The following RBMS1 variants were observed in gnomAD, a reference collection of about 807,000 sequenced individuals.
RBMS1 encodes the protein RNA binding motif single stranded interacting protein 1.
RBMS1 carries 17 observed loss-of-function variants against 62.3 expected under a neutral mutation model. The ratio of observed to expected loss-of-function variants is 0.27; its 90% CI spans 0.19 to 0.41. The LOEUF is 0.41. Among genes scored for constraint, RBMS1 ranks in the 10% least tolerant of loss-of-function variants. The pLI, the probability that RBMS1 is intolerant of heterozygous loss-of-function variation, is 1.00. For synonymous variants in RBMS1, 172 were observed against 170.0 expected, an observed-to-expected ratio of 1.01 and a Z score of -0.09; for missense variants, 334 against 504.5, an observed-to-expected ratio of 0.66 and a Z score of 3.24.
intron 1 of RBMS1, among the ~76,000 whole-genome samples, chr2:160,376,004 T>G (rs78013573): frequency 0.021 from 3,225 of 152,204 alleles, 122 homozygotes; most frequent in African/African-American, 0.072. Context: ...CCCCAGTAGA[T>G]TTAGGATTCC....
At chr2:160,302,840 T>C (rs544783232) in intron 5 of RBMS1, 2 of 152,266 alleles carry the variant, frequency 1.3e-5, no homozygotes, top group South Asian at 4.1e-4. Context: ...ATAGAAATTA[T>C]AAAATGTTAG....
chr2:160,443,651 C>T (rs1489107857), intron 1 of RBMS1, among the ~76,000 whole-genome samples: 3 of 152,132 alleles, frequency 2.0e-5, no homozygotes, highest in African/African-American at 7.2e-5. Context: ...TCCCTAAGGC[C>T]TCCCCAGAAG....
At chr2:160,448,692 T>G (rs1156592871) in intron 1 of RBMS1, among the ~76,000 whole-genome samples, 1 of 152,188 alleles carries the variant, frequency 6.6e-6, no homozygotes, top group African/African-American at 2.4e-5. Context: ...AGTGCCGAGA[T>G]TGCAGCCTCT....
intron 1 of RBMS1, among the ~76,000 whole-genome samples, chr2:160,385,514 G>T (rs1694523530): frequency 1.3e-5 from 2 of 152,212 alleles, no homozygotes; most frequent in Admixed American, 1.3e-4. Context: ...GCCTGTTCCA[G>T]ACTGTCATTG....
At chr2:160,294,930 T>C (rs1245738493) in intron 6 of RBMS1, among the ~76,000 whole-genome samples, 1 of 151,624 alleles carries the variant, frequency 6.6e-6, no homozygotes, top group Non-Finnish European at 1.5e-5. Flanking sequence ...ACTGATGCTA[T>C]GGAGTAACCA....
chr2:160,493,669 C>A lies in RBMS1; in HGVS notation c.-306G>T. On this transcript the variant is annotated 5_prime_UTR_variant, in exon 1 of 14. Coordinates refer to ENST00000348849, the MANE Select transcript of RBMS1 (RefSeq NM_016836.4). ...GCTCCCAAGGAGTTTCCTCCCGGAG[C>A]CCGACTGCTCCGGGGCTGCCAAGGG... is the stretch of plus-strand genomic sequence containing the variant. 1 of 459,450 alleles carries A rather than the reference C, an allele frequency of 2.2e-6. No homozygotes were observed. The allele number at this position is 459,450 out of a possible 1,614,324, so 28.5% of individuals were successfully genotyped here.
chr2:160,323,195 G>A (rs2105974654), intron 2 of RBMS1, among the ~76,000 whole-genome samples: 1 of 149,276 alleles, frequency 6.7e-6, no homozygotes, highest in East Asian at 2.0e-4. Context: ...TAAATCATCA[G>A]CCAGGCACGG....
chr2:160,286,919 C>G lies in RBMS1; in HGVS notation c.756+50G>C, dbSNP rs773098121. 3.1e-6 allele frequency: 5 copies of G among 1,608,734 alleles called. No individual in the cohort carries two copies. In the African/African-American group the frequency reaches 5.4e-5, roughly 17 times the overall value. ...TTGTGTTACTTTTCATGTGGGCATTCAAGATCACACCCCCTCCCCCACCCC... is the reference window on the plus strand; with the variant it reads ...TTGTGTTACTTTTCATGTGGGCATTGAAGATCACACCCCCTCCCCCACCCC... On this transcript the variant is annotated intron_variant, in intron 7 of 13. Transcript: ENST00000348849.
In RBMS1 at chr2:160,367,217, G is replaced by A. The variant is rs1248131654; in HGVS notation, c.250C>T (p.Pro84Ser). The A allele has an allele frequency of 1.2e-6, 2 of 1,612,564 alleles. No individual in the cohort carries two copies. Among genetic ancestry groups the A allele is most frequent in the South Asian group, 1.1e-5 (1 of 91,028 alleles). ...ATAATAGGAACAACTACTACTTACG[G>A]TTGACAGAGCTTCACCAGGTCCTGG... ...TDQDLVKLCQ[P>S]YGKIVSTKAI... The change falls in exon 2 of 14, where the codon CCA becomes TCA. Residue 84 changes from proline to serine, a missense_variant and splice_region_variant. Pro to Ser is a moderately conservative substitution (Grantham distance 74). This residue lies in a region of RBMS1 where 150 missense variants were observed against 228.0 expected (regional missense o/e 0.66). Coordinates refer to ENST00000348849, the MANE Select transcript of RBMS1 (RefSeq NM_016836.4).
At chr2:160,480,210 G>A (rs1685309133) in intron 1 of RBMS1, among the ~76,000 whole-genome samples, 1 of 151,986 alleles carries the variant, frequency 6.6e-6, no homozygotes, top group Admixed American at 6.6e-5. Context: ...TATAAGGCAG[G>A]GTGATGGGGT....
At chr2:160,311,209 AATCTATCTATCTATCT>A (rs756246053) in intron 4 of RBMS1, among the ~76,000 whole-genome samples, 4 of 57,726 alleles carry the variant, frequency 6.9e-5, no homozygotes, top group Non-Finnish European at 1.6e-4. Flanking sequence ...AAAAAAAAAA[AATCTATCTATCTATCT>A]ATCTATCTAT....
intron 6 of RBMS1, among the ~76,000 whole-genome samples, chr2:160,294,723 G>A (rs1473648574): frequency 2.0e-5 from 3 of 152,178 alleles, no homozygotes; most frequent in Non-Finnish European, 2.9e-5. Context: ...AGATAATTCT[G>A]CTTACGCCAG....
intron 1 of RBMS1, among the ~76,000 whole-genome samples, chr2:160,466,074 T>C (rs776625987): frequency 1.6e-4 from 25 of 152,232 alleles, no homozygotes; most frequent in Admixed American, 4.6e-4. Context: ...TATTGTACTT[T>C]TATTGCAATT....
intron 6 of RBMS1, among the ~76,000 whole-genome samples, chr2:160,297,583 A>T (rs1362788325): frequency 6.6e-6 from 1 of 152,260 alleles, no homozygotes; most frequent in Non-Finnish European, 1.5e-5. Flanking sequence ...GTTAAGTGCC[A>T]CAGCACACAC....
intron 1 of RBMS1, among the ~76,000 whole-genome samples, chr2:160,378,143 AG>A (rs1238677814): frequency 1.6e-5 from 2 of 123,640 alleles, no homozygotes; most frequent in East Asian, 5.6e-4. Flanking sequence ...CTTGCTTTAA[AG>A]AAAAAAAAAA....
At chr2:160,465,400 G>A (rs1041987732) in intron 1 of RBMS1, among the ~76,000 whole-genome samples, 3 of 152,126 alleles carry the variant, frequency 2.0e-5, no homozygotes, top group African/African-American at 7.2e-5. Context: ...CATTGCTCCT[G>A]CCCAACTCAA....
At chr2:160,347,496 G>C (rs1268027964) in intron 2 of RBMS1, among the ~76,000 whole-genome samples, 1 of 152,120 alleles carries the variant, frequency 6.6e-6, no homozygotes, top group Non-Finnish European at 1.5e-5. Context: ...GAATTCCAGT[G>C]ATGCCAAAGA....
Position 160,367,196 on chromosome 2 carries a change from T to C in RBMS1, c.251+20A>G, listed in dbSNP as rs760564634. 3 of 1,604,102 alleles carry C rather than the reference T, an allele frequency of 1.9e-6. No individual in the cohort carries two copies. The highest frequency in any genetic ancestry group is 2.6e-6 in the Non-Finnish European group (3 of 1,172,322). Reference sequence around the variant, plus strand: ...AGAAAATACTTAGCAGCTAAAATAATAGGAACAACTACTACTTACGGTTGA... The same window carrying C: ...AGAAAATACTTAGCAGCTAAAATAACAGGAACAACTACTACTTACGGTTGA... On this transcript the variant is annotated intron_variant, in intron 2 of 13. Transcript: ENST00000348849.
At chr2:160,342,767 TA>T (rs1419011606) in intron 2 of RBMS1, among the ~76,000 whole-genome samples, 88 of 25,014 alleles carry the variant, frequency 3.5e-3, no homozygotes, top group African/African-American at 0.012. Context: ...AAATACAAAA[TA>T]CAAAAAAAAA....
Sources: gnomAD v4.1 joint callset for allele counts (sites outside exome capture counted in the v4.1 genomes callset) on GRCh38, gnomAD v4.1.1 for gene constraint, gnomAD v4.1.1 regional missense constraint, MANE v1.5 for transcripts, NCBI Gene and HGNC (gene_info 2026-07-23, HGNC 2026-07-21) for gene names.